The following PHF24 variants were observed in gnomAD, a reference collection of about 807,000 sequenced individuals.
PHF24 encodes Galpha inhibitory interacting protein.
PHF24 carries 25 observed loss-of-function variants against 42.6 expected under a neutral mutation model. The ratio of observed to expected loss-of-function variants is 0.59; its 90% CI spans 0.43 to 0.82. PHF24 has a LOEUF of 0.82. Among genes scored for constraint, PHF24 ranks in the 40% least tolerant of loss-of-function variants. PHF24 has a pLI of 0.00. For synonymous variants in PHF24, 185 were observed against 204.8 expected (o/e 0.90, Z 0.83); for missense variants, 470 against 538.1 (o/e 0.87, Z 1.25).
At chr9:34,759,867 C>CA in the PHF24 span, among the ~76,000 whole-genome samples, 2 of 152,248 alleles carry the variant, frequency 1.3e-5, no homozygotes. Context: ...AGGGCTGAGC[C>CA]AAAAATAGTC....
the PHF24 span, among the ~76,000 whole-genome samples, chr9:34,863,551 ACTT>A: frequency 6.6e-6 from 1 of 152,228 alleles, no homozygotes; most frequent in Non-Finnish European, 1.5e-5. Flanking sequence ...CCAAGGTACT[ACTT>A]CTACAGGTCT....
At chr9:34,947,423 A>G in the PHF24 span, among the ~76,000 whole-genome samples, 2 of 152,234 alleles carry the variant, frequency 1.3e-5, no homozygotes, top group African/African-American at 2.4e-5. Context: ...TGCCGGTTAT[A>G]TAAAACTATA....
the PHF24 span, chr9:34,691,025 A>C: frequency 7.3e-7 from 1 of 1,373,958 alleles, no homozygotes; most frequent in Admixed American, 2.1e-5. Flanking sequence ...AAGCAATCTG[A>C]GATCTAGACA....
the PHF24 span, among the ~76,000 whole-genome samples, chr9:34,938,399 C>T: frequency 4.9e-4 from 75 of 152,260 alleles, no homozygotes; most frequent in Admixed American, 1.0e-3. Context: ...CTTGCCTTTG[C>T]AGGGCAGAGA....
the PHF24 span, among the ~76,000 whole-genome samples, chr9:34,720,393 C>T: frequency 6.1e-5 from 9 of 148,116 alleles, no homozygotes; most frequent in South Asian, 6.4e-4. Flanking sequence ...TGCAGTGAGC[C>T]GAGATTGCGC....
exon 2 of PHF24, chr9:34,971,442 A>G (rs1033263878): frequency 3.1e-6 from 5 of 1,614,144 alleles, no homozygotes. Flanking sequence ...GTGGCACTGT[A>G]GAGGGCTCCG....
chr9:34,714,853 C>T, the PHF24 span, among the ~76,000 whole-genome samples: 1 of 152,190 alleles, frequency 6.6e-6, no homozygotes, highest in Non-Finnish European at 1.5e-5. Flanking sequence ...AAGATACCTG[C>T]CTGTCTCCCT....
chr9:34,759,664 C>T, the PHF24 span, among the ~76,000 whole-genome samples: 5 of 152,140 alleles, frequency 3.3e-5, no homozygotes, highest in South Asian at 2.1e-4. Flanking sequence ...TTCTATCACC[C>T]GTTAGCCTGA....
the PHF24 span, among the ~76,000 whole-genome samples, chr9:34,764,784 G>T: frequency 2.6e-5 from 4 of 152,114 alleles, no homozygotes; most frequent in South Asian, 8.3e-4. Flanking sequence ...TCTTTTAATT[G>T]TGATGTTAGG....
rs550911464 is a variant in PHF24, at chr9:34,978,190, G to T, written c.*79G>T. On this transcript the variant is annotated 3_prime_UTR_variant, in exon 8 of 8. Transcript: ENST00000242315. ...TTTCTCCCTTCCCCCACCAACCTCTGGCACAGAGACTCATGGGGTTGGGAC... is the reference window on the plus strand; with the variant it reads ...TTTCTCCCTTCCCCCACCAACCTCTTGCACAGAGACTCATGGGGTTGGGAC... 4.4e-5 allele frequency: 49 copies of T among 1,123,112 alleles called. No individual in the cohort carries two copies. The South Asian group carries it at 5.8e-4, about 13-fold the overall frequency. The allele number at this position is 1,123,112 out of a possible 1,614,324, so 69.6% of individuals were successfully genotyped here. A position where few individuals can be genotyped will look rare whatever the true frequency, so the allele number is the denominator to read the frequency against.
At chr9:34,711,592 G>T in the PHF24 span, among the ~76,000 whole-genome samples, 1 of 150,516 alleles carries the variant, frequency 6.6e-6, no homozygotes, top group African/African-American at 2.5e-5. Flanking sequence ...GCCCAGGCTG[G>T]AGTGCAGTGG....
At chr9:34,710,301 A>C in the PHF24 span, among the ~76,000 whole-genome samples, 2 of 152,300 alleles carry the variant, frequency 1.3e-5, no homozygotes, top group African/African-American at 4.8e-5. Context: ...TGTCCTCATT[A>C]GTTGAATATG....
the PHF24 span, among the ~76,000 whole-genome samples, chr9:34,936,906 T>C: frequency 8.2e-4 from 121 of 148,436 alleles, no homozygotes; most frequent in African/African-American, 2.9e-3. Context: ...GGAGCCCCTC[T>C]GCCCGGCAGC....
the PHF24 span, among the ~76,000 whole-genome samples, chr9:34,688,420 C>T: frequency 1.9e-3 from 286 of 152,320 alleles, no homozygotes; most frequent in Non-Finnish European, 2.7e-3. Flanking sequence ...AAGAGTCACA[C>T]GGCTCTCATC....
At chr9:34,895,092 A>T in the PHF24 span, 1 of 398,594 alleles carries the variant, frequency 2.5e-6, no homozygotes, top group Non-Finnish European at 4.4e-6. Flanking sequence ...ACACTTAAAG[A>T]CAAAAACATT....
At chr9:34,981,372 G>A (rs1268803579) in exon 8 of PHF24, 3 of 152,174 alleles carry the variant, frequency 2.0e-5, no homozygotes, top group African/African-American at 7.2e-5. Flanking sequence ...GGGGGAGTGA[G>A]CCCCAAGGTT....
At chr9:34,918,431 G>T in the PHF24 span, 2 of 528,406 alleles carry the variant, frequency 3.8e-6, no homozygotes, top group East Asian at 3.2e-5. Context: ...AAATCATGGG[G>T]AATTTTTCCT....
At chr9:34,789,660 G>C in the PHF24 span, among the ~76,000 whole-genome samples, 1 of 152,166 alleles carries the variant, frequency 6.6e-6, no homozygotes, top group African/African-American at 2.4e-5. Context: ...CTCTGTTATT[G>C]CATGCTGGGT....
At chr9:34,691,318 C>T in the PHF24 span, 20 of 520,332 alleles carry the variant, frequency 3.8e-5, no homozygotes, top group Non-Finnish European at 6.6e-5. Context: ...CAGAGCTTCA[C>T]TTTCTCTGCC....
Sources: allele counts gnomAD v4.1 joint callset (sites outside exome capture counted in the v4.1 genomes callset), GRCh38; gene constraint gnomAD v4.1.1; transcripts MANE v1.5; gene names NCBI Gene and HGNC (gene_info 2026-07-23, HGNC 2026-07-21).